DOP1B: variants seen among roughly 807,000 people sequenced by gnomAD.
The protein encoded by DOP1B is protein DOP1B.
DOP1B carries 174 observed loss-of-function variants against 233.5 expected under a neutral mutation model. The ratio of observed to expected loss-of-function variants is 0.75; its 90% confidence interval spans 0.66 to 0.85. DOP1B has a LOEUF of 0.85. Ranked by LOEUF, DOP1B falls within the 40% of genes least tolerant of loss-of-function variation. The pLI is 0.00. For missense variants in DOP1B, 2,652 were observed against 2,846.6 expected (o/e 0.93, Z 1.56); for synonymous variants, 1,190 against 1,185.6 (o/e 1.00, Z -0.08).
chr21:36,279,255 A>G (rs1247491622), intron 30 of DOP1B, among the ~76,000 whole-genome samples: 12 of 151,946 alleles, frequency 7.9e-5, no homozygotes, highest in Admixed American at 7.9e-4. Context: ...TACAAAAAAA[A>G]AAAATCAAAA....
At position 36,200,469 on chromosome 21, in the gene DOP1B, C is replaced by G; in HGVS notation, c.459C>G (p.Pro153=). The G allele has an allele frequency of 6.2e-7, 1 of 1,611,704 alleles. No homozygotes were observed. Residue 153 remains proline, a synonymous_variant, in exon 4 of 37, where the codon CCC becomes CCG. Transcript: ENST00000691173. ...AGGCCTTCATCGTGGGCCTGCTGCC[C>G]GGCCTTGAAGAGGGCTCCGAGATCT... ...SLQAFIVGLL[P]GLEEGSEISD... is the part of the protein sequence containing the mutation.
chr21:36,165,870 C>G (rs1024953683), intron 2 of DOP1B, among the ~76,000 whole-genome samples: 1 of 151,792 alleles, frequency 6.6e-6, no homozygotes, highest in Non-Finnish European at 1.5e-5. Context: ...GCACGTGCCA[C>G]CACACCTGGC....
At chr21:36,190,395 CTT>C (rs148813666) in intron 2 of DOP1B, among the ~76,000 whole-genome samples, 29,962 of 151,332 alleles carry the variant, frequency 0.2, 2,903 homozygotes, top group African/African-American at 0.22. Context: ...CAGTTCATCT[CTT>C]TCTTTTTTTT....
rs1474458826 is a variant in DOP1B at position 36,263,820 on chromosome 21, T to C, written c.5487+6T>C. 2.5e-6 allele frequency: 4 copies of C among 1,613,974 alleles called. No individual in the cohort carries two copies. Among genetic ancestry groups the C allele is most frequent in the Non-Finnish European group, 3.4e-6 (4 of 1,179,994 alleles). Reference sequence around the variant, plus strand: ...AGGACCAAAAAGACCTGCAGGTTTGTATATGAAAGAGGTTCAGCCAAATGA... The same window carrying C: ...AGGACCAAAAAGACCTGCAGGTTTGCATATGAAAGAGGTTCAGCCAAATGA... On this transcript the variant is annotated splice_donor_region_variant and intron_variant, in intron 26 of 36. Transcript: ENST00000691173.
chr21:36,239,794 C>G lies in DOP1B; in HGVS notation c.2906C>G (p.Ala969Gly). 1 of 1,555,122 alleles carries G rather than the reference C, an allele frequency of 6.4e-7. No homozygotes were observed. Among genetic ancestry groups the G allele is most frequent in the Non-Finnish European group, 8.7e-7 (1 of 1,150,076 alleles). Residue 969 changes from alanine to glycine, a missense_variant, in exon 18 of 37, where the codon GCC becomes GGC. Ala to Gly is a moderately conservative substitution (Grantham distance 60, BLOSUM62 0). Transcript: ENST00000691173. Reference protein sequence around the residue: ...RSLFVVLDSLACTDGAIGAAA... With the variant: ...RSLFVVLDSLGCTDGAIGAAA... ...TTGTTTGTCGTGCTGGACAGCCTGG[C>G]CTGCACGGATGGTGCCATCGGTGCG... is the stretch of plus-strand genomic sequence containing the variant.
intron 28 of DOP1B, 22 bp from the exon 29 acceptor site, chr21:36,277,953 T>C (rs2067371325): frequency 1.2e-6 from 2 of 1,606,582 alleles, no homozygotes; most frequent in Non-Finnish European, 1.7e-6. Context: ...GTTTCTGTTT[T>C]CTTAGGGCCT....
intron 2 of DOP1B, among the ~76,000 whole-genome samples, chr21:36,176,087 G>GGGGTGT (rs1232680435): frequency 2.1e-5 from 2 of 96,594 alleles, no homozygotes; most frequent in African/African-American, 7.0e-5. Flanking sequence ...TCGACTTTGG[G>GGGGTGT]GTGTGTGTGC....
intron 21 of DOP1B, among the ~76,000 whole-genome samples, chr21:36,249,767 T>C (rs553150554): frequency 2.0e-5 from 3 of 152,256 alleles, no homozygotes; most frequent in African/African-American, 7.2e-5. Flanking sequence ...CTGACATCAG[T>C]TGAGAGCCCC....
At chr21:36,282,445 A>T (rs1277434435) in intron 32 of DOP1B, among the ~76,000 whole-genome samples, 1 of 151,952 alleles carries the variant, frequency 6.6e-6, no homozygotes, top group African/African-American at 2.4e-5. Context: ...AAAATCAATT[A>T]CAGTGTTATT....
chr21:36,210,085 C>G (rs1244295996), intron 5 of DOP1B, among the ~76,000 whole-genome samples: 1 of 152,154 alleles, frequency 6.6e-6, no homozygotes, highest in African/African-American at 2.4e-5. Context: ...TCCATCGTCT[C>G]AGCCCTGCTC....
chr21:36,230,564 A>G lies in DOP1B; in HGVS notation c.1780A>G (p.Ser594Gly), dbSNP rs747256366. The change falls in exon 14 of 37, where the codon AGT becomes GGT. Residue 594 changes from serine to glycine, a missense_variant. By Grantham distance (56) the Ser-to-Gly change is moderately conservative. This residue lies in a region of DOP1B where 2,617 missense variants were observed against 2,794.3 expected (regional missense o/e 0.94). Transcript: ENST00000691173. The part of the protein sequence containing the change: ...LKSEDSGIGL[S>G]ASSPELSEHL... The stretch of plus-strand genomic sequence containing the variant: ...GTCTGAGGACAGTGGGATCGGGCTC[A>G]GTGCCTCGTCACCGGAGCTCTCTGA... 4 of 1,614,218 alleles carry G rather than the reference A, an allele frequency of 2.5e-6. No individual in the cohort carries two copies. The South Asian group carries it at 4.4e-5, about 18-fold the overall frequency.
intron 4 of DOP1B, among the ~76,000 whole-genome samples, chr21:36,200,811 C>G (rs545947957): frequency 2.6e-4 from 40 of 151,636 alleles, no homozygotes; most frequent in Admixed American, 6.6e-4. Flanking sequence ...CCACTGCACT[C>G]CAGCCTGGAC....
intron 27 of DOP1B, among the ~76,000 whole-genome samples, chr21:36,272,396 T>A (rs2067298544): frequency 6.6e-6 from 1 of 152,126 alleles, no homozygotes; most frequent in Non-Finnish European, 1.5e-5. Flanking sequence ...AGGCCTGTAA[T>A]CCCAGGACTT....
At position 36,245,107 on chromosome 21, in the gene DOP1B, C is replaced by G; in HGVS notation, c.3127C>G (p.Pro1043Ala). 1 of 1,613,112 alleles carries G rather than the reference C, an allele frequency of 6.2e-7. No homozygotes were observed. Among genetic ancestry groups the G allele is most frequent in the Non-Finnish European group, 8.5e-7 (1 of 1,179,296 alleles). The change falls in exon 19 of 37, where the codon CCC becomes GCC. Residue 1043 changes from proline (P) to alanine (A), a missense_variant. Pro to Ala is a conservative substitution (Grantham distance 27). Coordinates refer to ENST00000691173, the MANE Select transcript of DOP1B (RefSeq NM_001320714.2). The surrounding 1 kb of genome is among the most constrained non-coding windows in gnomAD (Gnocchi z 5.5). Reference sequence around the variant, plus strand: ...CTCTTTCAGAGAGGCATGCGCAGTGCCCGAGCCTCAGGAGAGCGGCTCTGA... The same window carrying G: ...CTCTTTCAGAGAGGCATGCGCAGTGGCCGAGCCTCAGGAGAGCGGCTCTGA... ...KTSFREACAV[P>A]EPQESGSEEH...
rs987126719 is a variant in DOP1B, at chr21:36,211,435, C to T, written c.682-118C>T. 4.4e-5 allele frequency: 39 copies of T among 881,514 alleles called. No homozygotes were observed. The East Asian group carries it at 9.8e-4, about 22-fold the overall frequency. The allele number at this position is 881,514 out of a possible 1,614,324, so 54.6% of individuals were successfully genotyped here. A position where few individuals can be genotyped will look rare whatever the true frequency, so the allele number is the denominator to read the frequency against. ...CCCACACCCTCCTGACCTGTGGCTG[C>T]TGGTTCTCTTCTGAGTGATATAACG... On this transcript the variant is annotated intron_variant, in intron 5 of 36. Transcript: ENST00000691173.
chr21:36,269,881 A>C, intron 26 of DOP1B, 132 bp from the exon 27 acceptor site: 1 of 894,318 alleles, frequency 1.1e-6, no homozygotes, highest in Non-Finnish European at 1.7e-6. Context: ...TGTGGCTCCT[A>C]GAAAGCTTAA....
chr21:36,291,960 G>A (rs1169900949), intron 35 of DOP1B, 144 bp from the exon 36 acceptor site: 9 of 981,294 alleles, frequency 9.2e-6, no homozygotes, highest in Admixed American at 3.1e-5. Flanking sequence ...GATAATAGAC[G>A]TGCAACTCTA....
chr21:36,214,028 A>C, intron 7 of DOP1B, 53 bp from the exon 8 acceptor site: 1 of 1,397,580 alleles, frequency 7.2e-7, no homozygotes, highest in Non-Finnish European at 1.0e-6. Flanking sequence ...GCACAATATG[A>C]TGTCCTTTAA....
chr21:36,264,533 G>T (rs1055029727), intron 26 of DOP1B, among the ~76,000 whole-genome samples: 9 of 151,778 alleles, frequency 5.9e-5, no homozygotes, highest in African/African-American at 2.2e-4. Context: ...GAGTGCAGTG[G>T]CACGGTCTCA....
Sources: allele counts gnomAD v4.1 joint callset (sites outside exome capture counted in the v4.1 genomes callset), GRCh38; gene constraint gnomAD v4.1.1; regional missense constraint gnomAD v4.1.1; non-coding constraint Gnocchi (gnomAD v3.1); transcripts MANE v1.5; gene names NCBI Gene and HGNC (gene_info 2026-07-23, HGNC 2026-07-21).